Variants in MARCHF5 observed in about 807,000 individuals in gnomAD.
MARCHF5 encodes the protein E3 ubiquitin-protein ligase MARCHF5.
In MARCHF5, 5 loss-of-function variants were observed where a neutral mutation model predicts 36.5. The ratio of observed to expected loss-of-function variants is 0.14; its 90% confidence interval spans 0.07 to 0.29. The LOEUF (loss-of-function observed/expected upper bound fraction) is 0.29. Among genes scored for constraint, MARCHF5 ranks in the 10% least tolerant of loss-of-function variants. MARCHF5 has a pLI of 1.00. For missense variants in MARCHF5, 179 were observed against 336.3 expected (o/e 0.53, Z 3.66); for synonymous variants, 103 against 109.9 (o/e 0.94, Z 0.39).
chr10:92,324,080 G>GT (rs1843324805), intron 2 of MARCHF5, among the ~76,000 whole-genome samples: 1 of 152,270 alleles, frequency 6.6e-6, no homozygotes, highest in East Asian at 1.9e-4. Flanking sequence ...TTTGATTTGG[G>GT]TCATTCTGAT....
chr10:92,343,999 G>A (rs1843610819), intron 3 of MARCHF5, among the ~76,000 whole-genome samples: 1 of 152,140 alleles, frequency 6.6e-6, no homozygotes, highest in African/African-American at 2.4e-5. Flanking sequence ...ATTATTTAAT[G>A]TACAAATACA....
chr10:92,324,928 G>A (rs1843336882), intron 2 of MARCHF5, among the ~76,000 whole-genome samples: 1 of 151,916 alleles, frequency 6.6e-6, no homozygotes, highest in South Asian at 2.1e-4. Flanking sequence ...AATGTTCCAT[G>A]TGCACTTGAG....
intron 2 of MARCHF5, among the ~76,000 whole-genome samples, chr10:92,335,628 A>G (rs967751940): frequency 2.0e-5 from 3 of 152,218 alleles, no homozygotes; most frequent in African/African-American, 4.8e-5. Context: ...TTTATCTGGT[A>G]CATCTTTTGC....
At chr10:92,315,042 G>A (rs1437270862) in intron 2 of MARCHF5, among the ~76,000 whole-genome samples, 1 of 152,196 alleles carries the variant, frequency 6.6e-6, no homozygotes, top group Non-Finnish European at 1.5e-5. Flanking sequence ...GCTCTTCATT[G>A]CTGCACACAA....
chr10:92,318,383 G>A (rs1206772102), intron 2 of MARCHF5, among the ~76,000 whole-genome samples: 1 of 148,308 alleles, frequency 6.7e-6, no homozygotes, highest in Non-Finnish European at 1.5e-5. Flanking sequence ...TCAAGAGAAT[G>A]CCACTGGACT....
At chr10:92,346,613 C>T (rs571945440) in intron 3 of MARCHF5, among the ~76,000 whole-genome samples, 4 of 151,328 alleles carry the variant, frequency 2.6e-5, no homozygotes, top group African/African-American at 9.7e-5. Flanking sequence ...TTCAGCCTCC[C>T]GAGTAGTTGG....
At chr10:92,331,945 ATATATGTATATATATAATCG>A (rs1386054632) in intron 2 of MARCHF5, among the ~76,000 whole-genome samples, 1 of 147,016 alleles carries the variant, frequency 6.8e-6, no homozygotes, top group Non-Finnish European at 1.5e-5. Flanking sequence ...ATAATCGTAT[ATATATGTATATATATAATCG>A]TATATATATA....
chr10:92,352,555 C>G lies in MARCHF5; in HGVS notation c.*1348C>G, dbSNP rs532310729. ...AATTTTTAAGAGATATTTTCAAAAC[C>G]CTATTTATTTTCTTGTTCACAGTAA... On this transcript the variant is annotated 3_prime_UTR_variant, in exon 6 of 6. Transcript: ENST00000358935. The G allele has an allele frequency of 9.2e-5, 14 of 152,102 alleles. No homozygotes were observed. The highest frequency in any genetic ancestry group is 2.9e-4 in the African/African-American group (12 of 41,530). The allele number at this position is 152,102 out of a possible 1,614,324, so 9.4% of individuals were successfully genotyped here. A position where few individuals can be genotyped will look rare whatever the true frequency, so the allele number is the denominator to read the frequency against.
At chr10:92,319,279 G>A (rs1843257310) in intron 2 of MARCHF5, among the ~76,000 whole-genome samples, 1 of 150,166 alleles carries the variant, frequency 6.7e-6, no homozygotes, top group South Asian at 2.1e-4. Context: ...TGTGTTACTG[G>A]TTTATGTATC....
At chr10:92,350,503 A>T (rs1843703661) in intron 5 of MARCHF5, among the ~76,000 whole-genome samples, 1 of 152,162 alleles carries the variant, frequency 6.6e-6, no homozygotes, top group African/African-American at 2.4e-5. Flanking sequence ...AGCAGGGGTG[A>T]TTGTCGGGTA....
intron 3 of MARCHF5, among the ~76,000 whole-genome samples, chr10:92,345,758 G>A: frequency 7.0e-6 from 1 of 143,576 alleles, no homozygotes; most frequent in East Asian, 2.1e-4. Context: ...CAGTGGCGCA[G>A]TCACGGCTCA....
At chr10:92,313,133 CTGAGGCAGAAGAGTTGCTTGA>C (rs1843165908) in intron 2 of MARCHF5, among the ~76,000 whole-genome samples, 1 of 152,112 alleles carries the variant, frequency 6.6e-6, no homozygotes, top group African/African-American at 2.4e-5. Context: ...ACTCAGGAGG[CTGAGGCAGAAGAGTTGCTTGA>C]ACCCAGGAGG....
chr10:92,352,082 C>G lies in MARCHF5; in HGVS notation c.*875C>G, dbSNP rs979401207. The G allele has an allele frequency of 5.2e-5, 8 of 152,594 alleles. No homozygotes were observed. In the East Asian group the frequency reaches 9.6e-4, roughly 18 times the overall value. 9.5% of individuals were successfully genotyped at this position (152,594 alleles called of 1,614,324 possible). A position where few individuals can be genotyped will look rare whatever the true frequency, so the allele number is the denominator to read the frequency against. ...AATAAAAATAAAGTTATTTTACTCT[C>G]CTCTTGCATTGATTCAGTTATTGAG... On this transcript the variant is annotated 3_prime_UTR_variant, in exon 6 of 6. Coordinates refer to ENST00000358935, the MANE Select transcript of MARCHF5 (RefSeq NM_017824.5).
intron 2 of MARCHF5, among the ~76,000 whole-genome samples, chr10:92,323,814 A>G (rs888501164): frequency 6.6e-6 from 1 of 152,256 alleles, no homozygotes; most frequent in Non-Finnish European, 1.5e-5. Context: ...ACTGAAAGAC[A>G]TCTTGGTTGC....
Position 92,329,603 on chromosome 10 carries a change from C to T in MARCHF5, c.239-11070C>T, listed in dbSNP as rs558522185. ...TTTTCTGCCTGCTCATAAAATATAT[C>T]ATTGGTTTATTTCACTACCTAAAAA... On this transcript the variant is annotated intron_variant, in intron 2 of 5. Transcript: ENST00000358935. 1.4e-4 allele frequency among the ~76,000 whole-genome samples: 22 copies of T among 152,258 alleles called. No homozygotes were observed. In the South Asian group the frequency reaches 1.5e-3, roughly 10 times the overall value.
chr10:92,324,305 C>T (rs570299420), intron 2 of MARCHF5, among the ~76,000 whole-genome samples: 1 of 152,024 alleles, frequency 6.6e-6, no homozygotes, highest in African/African-American at 2.4e-5. Flanking sequence ...GATCTTTTCT[C>T]CTTGGTTGTC....
intron 2 of MARCHF5, among the ~76,000 whole-genome samples, chr10:92,337,841 C>CAT (rs1843522631): frequency 1.3e-5 from 2 of 151,552 alleles, no homozygotes; most frequent in South Asian, 4.2e-4. Context: ...TGCTGGAGAG[C>CAT]GTCGATAAAT....
intron 1 of MARCHF5, among the ~76,000 whole-genome samples, chr10:92,299,204 A>G (rs1401465573): frequency 5.3e-5 from 8 of 151,930 alleles, no homozygotes; most frequent in Non-Finnish European, 7.4e-5. Flanking sequence ...TCTAGCTTCA[A>G]TTTTTCACTT....
At chr10:92,345,215 C>T (rs886856874) in intron 3 of MARCHF5, among the ~76,000 whole-genome samples, 2 of 151,878 alleles carry the variant, frequency 1.3e-5, no homozygotes, top group Non-Finnish European at 1.5e-5. Flanking sequence ...GTTTCATCCT[C>T]TTGTTAGGAT....
Sources: gnomAD v4.1 joint callset for allele counts (sites outside exome capture counted in the v4.1 genomes callset) on GRCh38, gnomAD v4.1.1 for gene constraint, MANE v1.5 for transcripts, NCBI Gene and HGNC (gene_info 2026-07-23, HGNC 2026-07-21) for gene names.